COA6: variants seen among roughly 807,000 people sequenced by gnomAD.
The protein encoded by COA6 is cytochrome c oxidase assembly factor 6.
In COA6, 12 loss-of-function variants were observed where a neutral mutation model predicts 17.1. The observed-to-expected ratio is 0.70, with a 90% CI of 0.45 to 1.14. The LOEUF (loss-of-function observed/expected upper bound fraction) is 1.14. Among genes scored for constraint, COA6 ranks in the 50% most tolerant of loss-of-function variants. COA6 has a pLI of 0.00. For synonymous variants in COA6, 90 were observed against 73.4 expected (o/e 1.23, Z -1.16); for missense variants, 246 against 196.5 (o/e 1.25, Z -1.51).
chr1:234,383,597 C>A (rs1376938297), intron 2 of COA6, 126 bp from the exon 3 acceptor site: 16 of 582,370 alleles, frequency 2.7e-5, no homozygotes, highest in South Asian at 4.6e-5. Flanking sequence ...CACACACACA[C>A]AAAATGGTTC....
intron 2 of COA6, among the ~76,000 whole-genome samples, chr1:234,383,006 C>CAAGA (rs914795621): frequency 2.5e-5 from 2 of 79,322 alleles, no homozygotes; most frequent in Non-Finnish European, 4.2e-5. Flanking sequence ...GACTCTCTGT[C>CAAGA]AAGAAAGAAA....
Position 234,383,779 on chromosome 1 carries a change from A to G in COA6, c.429A>G (p.Ala143=). 1 of 1,579,778 alleles carries G rather than the reference A, an allele frequency of 6.3e-7. No homozygotes were observed. ...TAAAATTCAAAGAAAAATTTGAAGC[A>G]GGACAATTTGAGCCTTCAGAAACAA... The part of the protein sequence containing the change: ...DYLKFKEKFE[A]GQFEPSETTA... The change falls in exon 3 of 3, where the codon GCA becomes GCG. Residue 143 remains alanine, a synonymous_variant. Transcript: ENST00000366615.
intron 2 of COA6, 102 bp downstream of exon 2, chr1:234,374,491 AAC>A: frequency 8.1e-7 from 1 of 1,234,904 alleles, no homozygotes; most frequent in South Asian, 1.3e-5. Context: ...CATGTCAATT[AAC>A]AGTTTCTTTG....
chr1:234,383,441 C>T (rs1412660318), intron 2 of COA6, among the ~76,000 whole-genome samples: 3 of 151,246 alleles, frequency 2.0e-5, no homozygotes, highest in Admixed American at 6.6e-5. Context: ...TGTTAAATGG[C>T]GAGTTACTGG....
chr1:234,381,158 A>G (rs1658960396), intron 2 of COA6, among the ~76,000 whole-genome samples: 1 of 152,146 alleles, frequency 6.6e-6, no homozygotes, highest in Non-Finnish European at 1.5e-5. Flanking sequence ...TTTTTCTATA[A>G]AACTTTGAAA....
chr1:234,379,992 C>G (rs934551380), intron 2 of COA6, among the ~76,000 whole-genome samples: 6 of 152,298 alleles, frequency 3.9e-5, no homozygotes, highest in Non-Finnish European at 8.8e-5. Flanking sequence ...ATGACTGTAA[C>G]AAAGAAGGGA....
rs1191862771 is a variant in COA6 at position 234,384,989 on chromosome 1, T to G, written c.*1171T>G. Reference sequence around the variant, plus strand: ...TATGTTTATACTGTTGTCTAGTAAGTGTGCAATAGCATTATGTCTGCTCAG... The same window carrying G: ...TATGTTTATACTGTTGTCTAGTAAGGGTGCAATAGCATTATGTCTGCTCAG... On this transcript the variant is annotated 3_prime_UTR_variant, in exon 3 of 3. Coordinates refer to ENST00000366615, the MANE Select transcript of COA6 (RefSeq NM_001206641.3). Among the ~76,000 whole-genome samples the G allele has an allele frequency of 2.0e-5, 3 of 152,214 alleles. No homozygotes were observed. Among genetic ancestry groups the G allele is most frequent in the African/African-American group, 7.2e-5 (3 of 41,444 alleles).
In COA6 at chr1:234,383,838, A is replaced by C. The variant is rs772116935; in HGVS notation, c.*20A>C. 7.8e-6 allele frequency: 10 copies of C among 1,288,118 alleles called. No homozygotes were observed. The highest frequency in any genetic ancestry group is 2.3e-5 in the East Asian group (1 of 43,310). The allele number at this position is 1,288,118 out of a possible 1,614,324, so 79.8% of individuals were successfully genotyped here. A position where few individuals can be genotyped will look rare whatever the true frequency, so the allele number is the denominator to read the frequency against. Reference sequence around the variant, plus strand: ...TCCTAGGCTGTTCATAAAGATTGAAAGTATTCTTTCTGGACATTGAAAAAG... The same window carrying C: ...TCCTAGGCTGTTCATAAAGATTGAACGTATTCTTTCTGGACATTGAAAAAG... On this transcript the variant is annotated 3_prime_UTR_variant, in exon 3 of 3. Transcript: ENST00000366615.
chr1:234,383,517 C>T (rs1426057569), intron 2 of COA6, among the ~76,000 whole-genome samples: 1 of 150,784 alleles, frequency 6.6e-6, no homozygotes, highest in African/African-American at 2.5e-5. Context: ...CACGTGTACC[C>T]TAAAACTTAA....
intron 2 of COA6, 33 bp downstream of exon 2, chr1:234,374,422 G>A: frequency 6.2e-7 from 1 of 1,609,826 alleles, no homozygotes; most frequent in Non-Finnish European, 8.5e-7. Flanking sequence ...TCTCTTCCCT[G>A]TTAAGATACA....
At chr1:234,375,364 T>G (rs940496012) in intron 2 of COA6, among the ~76,000 whole-genome samples, 1 of 152,224 alleles carries the variant, frequency 6.6e-6, no homozygotes, top group African/African-American at 2.4e-5. Flanking sequence ...TCGCTTGTTA[T>G]TACTCAGCAA....
intron 2 of COA6, among the ~76,000 whole-genome samples, chr1:234,378,651 A>G (rs1354263906): frequency 6.6e-6 from 1 of 152,178 alleles, no homozygotes; most frequent in Non-Finnish European, 1.5e-5. Flanking sequence ...AGGTGGGCGG[A>G]TCACCTGAGG....
Position 234,377,133 on chromosome 1 carries a change from T to TTTTTTTTTTGTTGTTG in COA6, c.372+2746_372+2747insTTTTTTTGTTGTTGTT, listed in dbSNP as rs60899682. On this transcript the variant is annotated intron_variant, in intron 2 of 2. Coordinates refer to ENST00000366615, the MANE Select transcript of COA6 (RefSeq NM_001206641.3). The stretch of plus-strand genomic sequence containing the variant: ...CTCTGTCTCCTCTTTTTTTGTTTTT[T>TTTTTTTTTTGTTGTTG]TTGTTGTTGTTGAGACAGAGTCTCA... Among the ~76,000 whole-genome samples the TTTTTTTTTTGTTGTTG allele has an allele frequency of 1.3e-3, 88 of 69,560 alleles. 18 individuals carry two copies. Among genetic ancestry groups the TTTTTTTTTTGTTGTTG allele is most frequent in the African/African-American group, 7.3e-3 (80 of 10,914 alleles). 45.6% of individuals were successfully genotyped at this position (69,560 alleles called of 152,430 possible). A position where few individuals can be genotyped will look rare whatever the true frequency, so the allele number is the denominator to read the frequency against.
chr1:234,383,345 C>T (rs1659033234), intron 2 of COA6, among the ~76,000 whole-genome samples: 1 of 136,222 alleles, frequency 7.3e-6, no homozygotes, highest in African/African-American at 2.8e-5. Flanking sequence ...AATGAGAACA[C>T]ATCACAGGAA....
In COA6 at chr1:234,382,939, G is replaced by A. The variant is rs192610131; in HGVS notation, c.373-784G>A. Among the ~76,000 whole-genome samples, 1,142 of 151,736 alleles carry A rather than the reference G, an allele frequency of 7.5e-3. 10 individuals carry two copies. The highest frequency in any genetic ancestry group is 0.025 in the African/African-American group (1,036 of 41,366). On this transcript the variant is annotated intron_variant, in intron 2 of 2. Coordinates refer to ENST00000366615, the MANE Select transcript of COA6 (RefSeq NM_001206641.3). ...AGAGAATAGCTTGAACCTGGGAGGC[G>A]GACGTTGCAGTGAGCCGAGATTGCT...
intron 2 of COA6, among the ~76,000 whole-genome samples, chr1:234,377,881 C>T (rs781362955): frequency 8.5e-5 from 13 of 152,194 alleles, no homozygotes; most frequent in Non-Finnish European, 1.3e-4. Context: ...CAGCATGAAG[C>T]TACCACAGCA....
chr1:234,379,477 C>A (rs996683000), intron 2 of COA6, among the ~76,000 whole-genome samples: 2 of 152,026 alleles, frequency 1.3e-5, no homozygotes, highest in African/African-American at 4.8e-5. Flanking sequence ...GGAACAGAGG[C>A]CATGGTATTG....
At chr1:234,377,057 G>GCCAC (rs113737176) in intron 2 of COA6, among the ~76,000 whole-genome samples, 5,851 of 57,430 alleles carry the variant, frequency 0.1, 371 homozygotes, top group African/African-American at 0.18. Context: ...TTGCTGTGTT[G>GCCAC]CCGAGAGAGA....
chr1:234,373,581 A>G lies in COA6; in HGVS notation c.115A>G (p.Arg39Gly), dbSNP rs897015745. 2.5e-6 allele frequency: 4 copies of G among 1,612,088 alleles called. No individual in the cohort carries two copies. The African/African-American group carries it at 4.0e-5, about 16-fold the overall frequency. The change falls in exon 1 of 3, where the codon AGG (arginine) becomes GGG (glycine). Residue 39 changes from arginine to glycine, a missense_variant. Physicochemically the swap from Arg to Gly is moderately radical, Grantham distance 125 (BLOSUM62 -2). Coordinates refer to ENST00000366615, the MANE Select transcript of COA6 (RefSeq NM_001206641.3). ...LEPAGRPCSG[R>G]TRHRALHRRL... is the part of the protein sequence containing the mutation. Reference sequence around the variant, plus strand: ...GCCAGCGGGGCGACCCTGCAGTGGCAGGACTCGGCACCGCGCCCTCCACCG... The same window carrying G: ...GCCAGCGGGGCGACCCTGCAGTGGCGGGACTCGGCACCGCGCCCTCCACCG...
Sources: gnomAD v4.1 joint callset for allele counts (sites outside exome capture counted in the v4.1 genomes callset) on GRCh38, gnomAD v4.1.1 for gene constraint, MANE v1.5 for transcripts, NCBI Gene and HGNC (gene_info 2026-07-23, HGNC 2026-07-21) for gene names.